BCAS3: variants seen among roughly 807,000 people sequenced by gnomAD.
BCAS3 encodes the protein BCAS3 microtubule associated cell migration factor.
Under a neutral mutation model 116.1 loss-of-function variants are expected in BCAS3, and 53 were observed. That is an observed-to-expected ratio of 0.46 (90% CI 0.37 to 0.57). The LOEUF is 0.57. BCAS3 is among the 20% of genes least tolerant of loss of function. The probability of loss-of-function intolerance (pLI) is 0.00; values close to 1 mark genes in which losing one functional copy is unlikely to be tolerated. For missense variants in BCAS3, 917 were observed against 1,165.4 expected (o/e 0.79, Z 3.10); for synonymous variants, 391 against 408.2 (o/e 0.96, Z 0.51).
At position 61,248,656 on chromosome 17, in the gene BCAS3, T is replaced by G. The variant is rs1222553635; in HGVS notation, c.2426-119671T>G. Among the ~76,000 whole-genome samples, 1 of 152,210 alleles carries G rather than the reference T, an allele frequency of 6.6e-6. No individual in the cohort carries two copies. The highest frequency in any genetic ancestry group is 1.5e-5 in the Non-Finnish European group (1 of 68,034). On this transcript the variant is annotated intron_variant, in intron 22 of 23. Transcript: ENST00000407086. This position sits in a 1 kb window ranked among gnomAD's most constrained non-coding sequence, Gnocchi z 4.3. The stretch of plus-strand genomic sequence containing the variant: ...TTTCAGAAGTGTATCATGGTGGGAA[T>G]TTAGCCAGCTTTGTGGCAGATGACC...
intron 6 of BCAS3, among the ~76,000 whole-genome samples, chr17:60,763,619 C>T (rs1284651054): frequency 9.9e-5 from 15 of 151,968 alleles, no homozygotes; most frequent in African/African-American, 2.2e-4. Flanking sequence ...TGAGGATTTT[C>T]GCATCGATGT....
chr17:61,148,679 G>T (rs541471278), intron 22 of BCAS3, among the ~76,000 whole-genome samples: 1 of 152,132 alleles, frequency 6.6e-6, no homozygotes, highest in African/African-American at 2.4e-5. Context: ...ATCCCTACAA[G>T]ATAGGTATAA....
At position 61,224,594 on chromosome 17, in the gene BCAS3, A is replaced by T. The variant is rs1337223014; in HGVS notation, c.2425+140030A>T. On this transcript the variant is annotated intron_variant, in intron 22 of 23. Transcript: ENST00000407086. This position sits in a 1 kb window ranked among gnomAD's most constrained non-coding sequence, Gnocchi z 5.7. ...TTGAATACTTTGCAGTGTTTCATAT[A>T]CATCTGGAGTCAACTGGTTTGTTGG... Among the ~76,000 whole-genome samples, 3 of 152,210 alleles carry T rather than the reference A, an allele frequency of 2.0e-5. No individual in the cohort carries two copies. The highest frequency in any genetic ancestry group is 1.3e-4 in the Admixed American group (2 of 15,280).
chr17:60,936,266 C>T (rs2059920671), intron 13 of BCAS3, among the ~76,000 whole-genome samples: 1 of 149,064 alleles, frequency 6.7e-6, no homozygotes, highest in African/African-American at 2.5e-5. Context: ...CATTGTTGGA[C>T]ATTTGGGTTG....
Position 61,361,297 on chromosome 17 carries a change from C to T in BCAS3, c.2426-7030C>T, listed in dbSNP as rs1487337507. Among the ~76,000 whole-genome samples the T allele has an allele frequency of 6.6e-6, 1 of 151,760 alleles. No individual in the cohort carries two copies. The highest frequency in any genetic ancestry group is 1.5e-5 in the Non-Finnish European group (1 of 67,994). Reference sequence around the variant, plus strand: ...TTATGACTCAGATGTAATCTATGTTCTAAGCTTTAAAGTGTGCATTATGCA... The same window carrying T: ...TTATGACTCAGATGTAATCTATGTTTTAAGCTTTAAAGTGTGCATTATGCA... On this transcript the variant is annotated intron_variant, in intron 22 of 23. Transcript: ENST00000407086. The surrounding 1 kb of genome is among the most constrained non-coding windows in gnomAD (Gnocchi z 6.5).
At chr17:60,970,175 A>G (rs2061879311) in intron 14 of BCAS3, among the ~76,000 whole-genome samples, 1 of 152,222 alleles carries the variant, frequency 6.6e-6, no homozygotes, top group African/African-American at 2.4e-5. Flanking sequence ...TATGACAACT[A>G]TAGCACAAAG....
rs2056829497 is a variant in BCAS3 at position 61,337,623 on chromosome 17, A to G, written c.2426-30704A>G. Among the ~76,000 whole-genome samples, 1 of 152,104 alleles carries G rather than the reference A, an allele frequency of 6.6e-6. No homozygotes were observed. Among genetic ancestry groups the G allele is most frequent in the Non-Finnish European group, 1.5e-5 (1 of 68,014 alleles). ...TCTGTTACTCTCCGAAGAAAATTAC[A>G]GTTTCTAGTACACCTAAACTGAATG... On this transcript the variant is annotated intron_variant, in intron 22 of 23. Transcript: ENST00000407086. This position sits in a 1 kb window ranked among gnomAD's most constrained non-coding sequence, Gnocchi z 4.8.
rs1477457203 is a variant in BCAS3 at position 60,994,577 on chromosome 17, A to T, written c.1486+4342A>T. Among the ~76,000 whole-genome samples, 2 of 152,138 alleles carry T rather than the reference A, an allele frequency of 1.3e-5. No homozygotes were observed. The highest frequency in any genetic ancestry group is 2.9e-5 in the Non-Finnish European group (2 of 68,026). ...ATGATCTGCCAATTTTCTGCTTAAG[A>T]TCTTTGTGTCTCACCATATTCCTAG... On this transcript the variant is annotated intron_variant, in intron 15 of 23. Transcript: ENST00000407086. The surrounding 1 kb of genome is among the most constrained non-coding windows in gnomAD (Gnocchi z 4.4).
chr17:61,287,064 C>T (rs372632709), intron 22 of BCAS3, among the ~76,000 whole-genome samples: 12 of 151,794 alleles, frequency 7.9e-5, no homozygotes, highest in East Asian at 5.9e-4. Flanking sequence ...CTGGCTAACA[C>T]GGTGAAACCC....
chr17:60,896,890 T>C (rs2057550524), intron 10 of BCAS3, among the ~76,000 whole-genome samples: 1 of 152,186 alleles, frequency 6.6e-6, no homozygotes, highest in African/African-American at 2.4e-5. Flanking sequence ...TTATTTCGTA[T>C]ATTTTTGGTT....
intron 14 of BCAS3, among the ~76,000 whole-genome samples, chr17:60,968,638 C>G (rs72843597): frequency 3.2e-4 from 49 of 152,164 alleles, no homozygotes; most frequent in Non-Finnish European, 6.2e-4. Flanking sequence ...TGTAGTACTG[C>G]CTATCCTGAT....
chr17:61,365,366 C>T lies in BCAS3; in HGVS notation c.2426-2961C>T, dbSNP rs117696796. Among the ~76,000 whole-genome samples the T allele has an allele frequency of 0.012, 1,894 of 152,312 alleles. 15 individuals are homozygous for T. Among genetic ancestry groups the T allele is most frequent in the Middle Eastern group, 0.024 (7 of 294 alleles). ...ATTGAGTGATTGACTGAGAGTCTCA[C>T]TCTGTCACCCAGGCTGGAGTGCAGT... is the stretch of plus-strand genomic sequence containing the variant. On this transcript the variant is annotated intron_variant, in intron 22 of 23. Transcript: ENST00000407086. The surrounding 1 kb of genome is among the most constrained non-coding windows in gnomAD (Gnocchi z 4.6).
Position 61,368,194 on chromosome 17 carries a change from G to C in BCAS3, c.2426-133G>C, listed in dbSNP as rs73993475. 2.9e-3 allele frequency: 2,611 copies of C among 912,558 alleles called. 43 individuals carry two copies. In the African/African-American group the frequency reaches 0.038, roughly 13 times the overall value. The allele number at this position is 912,558 out of a possible 1,614,324, so 56.5% of individuals were successfully genotyped here. ...TTTCTCCTGCGCTACCCAGTCTGTT[G>C]GCGGCGTGCTTCCATCCTACAGGAA... On this transcript the variant is annotated intron_variant, in intron 22 of 23. Transcript: ENST00000407086. The surrounding 1 kb of genome is among the most constrained non-coding windows in gnomAD (Gnocchi z 6.0).
chr17:60,782,171 T>C (rs771217526), intron 6 of BCAS3, among the ~76,000 whole-genome samples: 1 of 151,578 alleles, frequency 6.6e-6, no homozygotes, highest in Non-Finnish European at 1.5e-5. Flanking sequence ...CTACTTTTGT[T>C]TATCTGTTGC....
intron 5 of BCAS3, among the ~76,000 whole-genome samples, chr17:60,713,794 A>G (rs920486442): frequency 6.6e-6 from 1 of 152,224 alleles, no homozygotes; most frequent in African/African-American, 2.4e-5. Context: ...ACCAGTCAGC[A>G]CAGATGCTGA....
chr17:61,278,795 A>G lies in BCAS3; in HGVS notation c.2426-89532A>G, dbSNP rs577805035. On this transcript the variant is annotated intron_variant, in intron 22 of 23. Transcript: ENST00000407086. This position sits in a 1 kb window ranked among gnomAD's most constrained non-coding sequence, Gnocchi z 5.8. ...AATCTATAGAGACAGAAAGTAGATT[A>G]GTAGTGGTTTCCTAGGACTTGGGGA... Among the ~76,000 whole-genome samples the G allele has an allele frequency of 1.3e-5, 2 of 152,194 alleles. No individual in the cohort carries two copies. The highest frequency in any genetic ancestry group is 2.9e-5 in the Non-Finnish European group (2 of 68,036).
In BCAS3 at chr17:61,239,658, C is replaced by A. The variant is rs945164217; in HGVS notation, c.2426-128669C>A. Reference sequence around the variant, plus strand: ...AACATGCAACTGTTAAGATCTAGATCATGCTAAAAGTATTAAAGTTGGCTT... The same window carrying A: ...AACATGCAACTGTTAAGATCTAGATAATGCTAAAAGTATTAAAGTTGGCTT... On this transcript the variant is annotated intron_variant, in intron 22 of 23. Coordinates refer to ENST00000407086, the MANE Select transcript of BCAS3 (RefSeq NM_017679.5). The surrounding 1 kb of genome is among the most constrained non-coding windows in gnomAD (Gnocchi z 4.2). 5.9e-5 allele frequency among the ~76,000 whole-genome samples: 9 copies of A among 152,140 alleles called. No homozygotes were observed. Among genetic ancestry groups the A allele is most frequent in the African/African-American group, 2.2e-4 (9 of 41,428 alleles).
At chr17:61,103,502 C>T (rs1471708587) in intron 22 of BCAS3, among the ~76,000 whole-genome samples, 1 of 152,150 alleles carries the variant, frequency 6.6e-6, no homozygotes, top group African/African-American at 2.4e-5. Flanking sequence ...AAAAGAACCT[C>T]AAAATACTGC....
rs1311019089 is a variant in BCAS3 at position 61,141,650 on chromosome 17, C to T, written c.2425+57086C>T. Among the ~76,000 whole-genome samples, 3 of 152,106 alleles carry T rather than the reference C, an allele frequency of 2.0e-5. No individual in the cohort carries two copies. The highest frequency in any genetic ancestry group is 1.5e-5 in the Non-Finnish European group (1 of 68,018). ...GGGCGTGGTGGCTCACACCTGTAAT[C>T]CCAGCTCTTTGAGAGGCTGAGGTGG... On this transcript the variant is annotated intron_variant, in intron 22 of 23. Transcript: ENST00000407086. This position sits in a 1 kb window ranked among gnomAD's most constrained non-coding sequence, Gnocchi z 4.3.
Sources: allele counts gnomAD v4.1 joint callset (sites outside exome capture counted in the v4.1 genomes callset), GRCh38; gene constraint gnomAD v4.1.1; non-coding constraint Gnocchi (gnomAD v3.1); transcripts MANE v1.5; gene names NCBI Gene and HGNC (gene_info 2026-07-23, HGNC 2026-07-21).